Variants in CACNA1C observed in about 807,000 individuals in gnomAD.
The protein encoded by CACNA1C is calcium voltage-gated channel subunit alpha1 C, also known as voltage-dependent L-type calcium channel subunit alpha-1C.
A neutral mutation model predicts 229.0 loss-of-function variants in CACNA1C; 30 were observed. The ratio of observed to expected loss-of-function variants is 0.13; its 90% CI spans 0.10 to 0.18. CACNA1C has a LOEUF of 0.18. Among genes scored for constraint, CACNA1C ranks in the 10% least tolerant of loss-of-function variants. The pLI is 1.00. For synonymous variants in CACNA1C, 1,114 were observed against 1,132.5 expected (o/e 0.98, Z 0.33); for missense variants, 1,658 against 2,845.0 (o/e 0.58, Z 9.49).
At chr12:2,622,413 C>T (rs1404470284) in intron 29 of CACNA1C, among the ~76,000 whole-genome samples, 8 of 152,174 alleles carry the variant, frequency 5.3e-5, no homozygotes, top group Admixed American at 4.6e-4. Context: ...CCCTCACCCA[C>T]GTCCTCCCAT....
chr12:2,242,527 C>T (rs2070945687), intron 3 of CACNA1C, among the ~76,000 whole-genome samples: 1 of 152,204 alleles, frequency 6.6e-6, no homozygotes, highest in South Asian at 2.1e-4. Context: ...TTGTATGAAA[C>T]CTACTGTTTC....
intron 9 of CACNA1C, 121 bp from the exon 10 acceptor site, chr12:2,549,822 A>C (rs1193487413): frequency 5.6e-6 from 4 of 715,330 alleles, no homozygotes; most frequent in Non-Finnish European, 1.0e-5. Context: ...CAGCGTGCTC[A>C]GCCTCTCTTT....
intron 3 of CACNA1C, among the ~76,000 whole-genome samples, chr12:2,170,809 G>C (rs2096446265): frequency 6.6e-6 from 1 of 152,260 alleles, no homozygotes. Flanking sequence ...ATACGCATTA[G>C]AGGTCTGCTT....
At chr12:2,274,031 A>G (rs1278990672) in intron 3 of CACNA1C, among the ~76,000 whole-genome samples, 1 of 152,194 alleles carries the variant, frequency 6.6e-6, no homozygotes, top group East Asian at 1.9e-4. Context: ...GGCAGGAGCT[A>G]TCCTGGCCTC....
At chr12:2,310,272 A>G (rs967538161) in intron 3 of CACNA1C, among the ~76,000 whole-genome samples, 3 of 151,980 alleles carry the variant, frequency 2.0e-5, no homozygotes, top group African/African-American at 7.2e-5. Flanking sequence ...CAGGGCCTAC[A>G]TTCTATTCCC....
chr12:2,157,028 A>G (rs751160899), intron 3 of CACNA1C, among the ~76,000 whole-genome samples: 3 of 152,166 alleles, frequency 2.0e-5, no homozygotes, highest in Admixed American at 6.5e-5. Context: ...GCAGCTCACA[A>G]CCTCCAAAAG....
At position 2,467,719 on chromosome 12, in the gene CACNA1C, G is replaced by T. The variant is rs1412970556; in HGVS notation, c.757+10013G>T. On this transcript the variant is annotated intron_variant, in intron 5 of 46. Coordinates refer to ENST00000399655, the MANE Select transcript of CACNA1C (RefSeq NM_000719.7). This position sits in a 1 kb window ranked among gnomAD's most constrained non-coding sequence, Gnocchi z 4.6. ...TGCCAGGCCCACCCTCTCCCCCGGT[G>T]TCTCCTGATCTCCCAGTGTGGACGG... Among the ~76,000 whole-genome samples the T allele has an allele frequency of 6.6e-6, 1 of 152,122 alleles. No homozygotes were observed. The highest frequency in any genetic ancestry group is 1.9e-4 in the East Asian group (1 of 5,172).
Position 2,034,682 on chromosome 12 carries a change from G to A in CACNA1C, c.139+63481G>A, listed in dbSNP as rs1232412892. 6.6e-6 allele frequency among the ~76,000 whole-genome samples: 1 copy of A among 152,188 alleles called. No homozygotes were observed. Among genetic ancestry groups the A allele is most frequent in the Non-Finnish European group, 1.5e-5 (1 of 68,026 alleles). On this transcript the variant is annotated intron_variant, in intron 1 of 46. Coordinates refer to the CACNA1C transcript ENST00000682462. The surrounding 1 kb of genome is among the most constrained non-coding windows in gnomAD (Gnocchi z 4.1). The stretch of plus-strand genomic sequence containing the variant: ...GAGGGCTAACTGGCTCATCTAGTGT[G>A]ATTTAAGCTCGTAGTTTCCCATTCA...
intron 1 of CACNA1C, among the ~76,000 whole-genome samples, chr12:2,018,573 A>T (rs1311862232): frequency 2.0e-5 from 3 of 152,188 alleles, no homozygotes; most frequent in African/African-American, 7.2e-5. Flanking sequence ...ATGGCTGTGG[A>T]CGAGCGCTTC....
intron 3 of CACNA1C, among the ~76,000 whole-genome samples, chr12:2,314,477 T>C (rs1175478826): frequency 1.3e-5 from 2 of 152,222 alleles, no homozygotes; most frequent in African/African-American, 4.8e-5. Context: ...AGAACGTTAC[T>C]CACACCTCTC....
Position 2,387,016 on chromosome 12 carries a change from C to T in CACNA1C, c.478-61960C>T, listed in dbSNP as rs552829599. ...AAGATGGTTCTCACAGCTCTTTTAA[C>T]AATAAGACTTTTTAAACTGACTTTA... On this transcript the variant is annotated intron_variant, in intron 3 of 46. Transcript: ENST00000399655. Among the ~76,000 whole-genome samples, 3 of 152,330 alleles carry T rather than the reference C, an allele frequency of 2.0e-5. No homozygotes were observed. The East Asian group carries it at 5.8e-4, about 29-fold the overall frequency.
rs980702354 is a variant in CACNA1C, at chr12:2,493,508, T to C, written c.1113+122T>C. 1 of 743,226 alleles carries C rather than the reference T, an allele frequency of 1.3e-6. No homozygotes were observed. The highest frequency in any genetic ancestry group is 2.3e-6 in the Non-Finnish European group (1 of 432,908). 46.0% of individuals were successfully genotyped at this position (743,226 alleles called of 1,614,324 possible). A position where few individuals can be genotyped will look rare whatever the true frequency, so the allele number is the denominator to read the frequency against. On this transcript the variant is annotated intron_variant, in intron 7 of 46. Coordinates refer to ENST00000399655, the MANE Select transcript of CACNA1C (RefSeq NM_000719.7). The surrounding 1 kb of genome is among the most constrained non-coding windows in gnomAD (Gnocchi z 4.6). Reference sequence around the variant, plus strand: ...TCACATACGCATCTTGATGGAATGGTTGATGAAGAGCGTCTTTGATTTCTT... The same window carrying C: ...TCACATACGCATCTTGATGGAATGGCTGATGAAGAGCGTCTTTGATTTCTT...
At position 2,608,346 on chromosome 12, in the gene CACNA1C, G is replaced by A. The variant is rs1036604024; in HGVS notation, c.3357-165G>A. On this transcript the variant is annotated intron_variant, in intron 26 of 46. Transcript: ENST00000399655. This position sits in a 1 kb window ranked among gnomAD's most constrained non-coding sequence, Gnocchi z 4.2. ...AATCTGAGTCTCAGAGAGGTTAAAC[G>A]CTTTGCCCAAGGTCACACAGCCAGT... Among the ~76,000 whole-genome samples the A allele has an allele frequency of 3.3e-5, 5 of 152,166 alleles. No homozygotes were observed. Among genetic ancestry groups the A allele is most frequent in the Non-Finnish European group, 5.9e-5 (4 of 68,024 alleles).
intron 3 of CACNA1C, among the ~76,000 whole-genome samples, chr12:2,373,693 A>G (rs192454736): frequency 1.3e-3 from 202 of 152,264 alleles, no homozygotes; most frequent in Middle Eastern, 3.4e-3. Context: ...AAACAACAGA[A>G]TTATATTCGT....
intron 9 of CACNA1C, among the ~76,000 whole-genome samples, chr12:2,529,099 C>T (rs2099834832): frequency 6.6e-6 from 1 of 152,208 alleles, no homozygotes; most frequent in African/African-American, 2.4e-5. Flanking sequence ...AACTACATGA[C>T]TTTTAGCTGC....
At chr12:2,329,562 C>T (rs927631155) in intron 3 of CACNA1C, among the ~76,000 whole-genome samples, 1 of 152,156 alleles carries the variant, frequency 6.6e-6, no homozygotes, top group East Asian at 1.9e-4. Context: ...TGCTCTATCC[C>T]GACTTGTCAC....
chr12:2,183,785 C>G (rs1290907189), intron 3 of CACNA1C, among the ~76,000 whole-genome samples: 2 of 152,358 alleles, frequency 1.3e-5, no homozygotes, highest in East Asian at 3.9e-4. Context: ...TCACGGGGCT[C>G]TCCAGCAGGT....
intron 3 of CACNA1C, among the ~76,000 whole-genome samples, chr12:2,355,971 C>T (rs925784976): frequency 8.5e-5 from 13 of 152,218 alleles, no homozygotes; most frequent in Non-Finnish European, 1.3e-4. Context: ...TGCCCCAACC[C>T]TCTCCTCCAG....
At chr12:2,487,799 AT>A (rs2099703156) in intron 6 of CACNA1C, among the ~76,000 whole-genome samples, 1 of 152,056 alleles carries the variant, frequency 6.6e-6, no homozygotes, top group Admixed American at 6.6e-5. Flanking sequence ...TATGAATAAT[AT>A]TTTCCCCTTT....
Sources: gnomAD v4.1 joint callset for allele counts (sites outside exome capture counted in the v4.1 genomes callset) on GRCh38, gnomAD v4.1.1 for gene constraint, Gnocchi (gnomAD v3.1) non-coding constraint, MANE v1.5 for transcripts, NCBI Gene and HGNC (gene_info 2026-07-23, HGNC 2026-07-21) for gene names.